Variants in CEP128 observed in about 807,000 individuals in gnomAD.
CEP128 encodes the protein centrosomal protein 128kDa.
A neutral mutation model predicts 156.7 loss-of-function variants in CEP128; 132 were observed. That is an observed-to-expected ratio of 0.84 (90% CI 0.73 to 0.97). The LOEUF (loss-of-function observed/expected upper bound fraction) is 0.97. Ranked by LOEUF, CEP128 falls within the 50% of genes least tolerant of loss-of-function variation. The probability of loss-of-function intolerance (pLI) is 0.00; values close to 1 mark genes in which losing one functional copy is unlikely to be tolerated. For synonymous variants in CEP128, 469 were observed against 448.9 expected (o/e 1.04, Z -0.57); for missense variants, 1,252 against 1,281.9 (o/e 0.98, Z 0.36).
chr14:80,603,948 A>G (rs79180924), intron 19 of CEP128, among the ~76,000 whole-genome samples: 3,597 of 152,282 alleles, frequency 0.024, 142 homozygotes, highest in African/African-American at 0.083. Flanking sequence ...TTAGGAATCA[A>G]TTCAGTGAAA....
rs1899963463 is a variant in CEP128, at chr14:80,761,463, A to G, written c.2527T>C (p.Ser843Pro). The G allele has an allele frequency of 1.9e-6, 3 of 1,610,162 alleles. No individual in the cohort carries two copies. Among genetic ancestry groups the G allele is most frequent in the African/African-American group, 1.3e-5 (1 of 74,868 alleles). ...KEIDAACKTFSKDSVEKLKVF... is the reference protein window; with the variant it reads ...KEIDAACKTFPKDSVEKLKVF... ...TTTAATTTCTCCACTGAGTCCTTGG[A>G]GAATGTTTTACAAGCTGCATCAATT... The change falls in exon 17 of 25, where the codon TCC becomes CCC. Residue 843 changes from serine (S) to proline (P), a missense_variant. Physicochemically the swap from Ser to Pro is moderately conservative, Grantham distance 74 (BLOSUM62 -1). Coordinates refer to ENST00000555265, the MANE Select transcript of CEP128 (RefSeq NM_152446.5).
intron 21 of CEP128, among the ~76,000 whole-genome samples, chr14:80,558,128 T>G (rs1349896713): frequency 6.6e-6 from 1 of 152,194 alleles, no homozygotes; most frequent in Non-Finnish European, 1.5e-5. Context: ...TACTCTCTTC[T>G]GTTCTTTTTT....
intron 19 of CEP128, among the ~76,000 whole-genome samples, chr14:80,642,271 T>A (rs1894447815): frequency 6.6e-6 from 1 of 152,130 alleles, no homozygotes; most frequent in Admixed American, 6.5e-5. Flanking sequence ...GGATCAAGTT[T>A]TGTCCATTAA....
intron 19 of CEP128, among the ~76,000 whole-genome samples, chr14:80,739,161 T>C (rs1223559497): frequency 6.6e-6 from 1 of 152,226 alleles, no homozygotes; most frequent in African/African-American, 2.4e-5. Context: ...GATAGGGAGC[T>C]AATGTATCTT....
rs557805997 is a variant in CEP128 at position 80,741,305 on chromosome 14, G to T, written c.2806+1770C>A. 3.9e-5 allele frequency among the ~76,000 whole-genome samples: 6 copies of T among 152,254 alleles called. No individual in the cohort carries two copies. The South Asian group carries it at 1.2e-3, about 32-fold the overall frequency. ...ATAAATTTTAGGTTTTAGTAAACCT[G>T]ATAGTTTCAACATATTCTTATACCT... On this transcript the variant is annotated intron_variant, in intron 19 of 24. Transcript: ENST00000555265.
At chr14:80,886,661 G>T (rs1888818304) in intron 8 of CEP128, among the ~76,000 whole-genome samples, 1 of 152,288 alleles carries the variant, frequency 6.6e-6, no homozygotes, top group African/African-American at 2.4e-5. Flanking sequence ...ACCAGTACCA[G>T]CCACTGCAAA....
At chr14:80,853,312 A>G (rs1394159138) in intron 9 of CEP128, among the ~76,000 whole-genome samples, 2 of 151,872 alleles carry the variant, frequency 1.3e-5, no homozygotes, top group Non-Finnish European at 2.9e-5. Flanking sequence ...TAAGATAAAA[A>G]AAAAAGAAAA....
At chr14:80,576,653 GTCTGTGTC>G (rs1891373649) in intron 20 of CEP128, among the ~76,000 whole-genome samples, 1 of 43,732 alleles carries the variant, frequency 2.3e-5, no homozygotes, top group African/African-American at 5.5e-5. Context: ...GTGTGTGTGT[GTCTGTGTC>G]TGTGTCTGTG....
chr14:80,624,046 T>G lies in CEP128; in HGVS notation c.2807-43623A>C, dbSNP rs563240159. ...TTTATTCTTCCCATCTAGCTGTAGC[T>G]TTGTCTGTTAACCAACCTCTTCCTA... On this transcript the variant is annotated intron_variant, in intron 19 of 24. Coordinates refer to ENST00000555265, the MANE Select transcript of CEP128 (RefSeq NM_152446.5). 1.1e-4 allele frequency among the ~76,000 whole-genome samples: 17 copies of G among 152,298 alleles called. No homozygotes were observed. The Middle Eastern group carries it at 0.01, about 91-fold the overall frequency.
intron 19 of CEP128, among the ~76,000 whole-genome samples, chr14:80,705,199 T>C (rs997612139): frequency 2.0e-5 from 3 of 152,148 alleles, no homozygotes; most frequent in African/African-American, 7.2e-5. Flanking sequence ...AATCATGCAA[T>C]GCAATTTCAT....
At chr14:80,579,417 C>G (rs1250722262) in intron 20 of CEP128, among the ~76,000 whole-genome samples, 1 of 151,860 alleles carries the variant, frequency 6.6e-6, no homozygotes. Context: ...ACCACTTTTA[C>G]TGGATGTATA....
chr14:80,763,093 T>G (rs1030327653), intron 16 of CEP128, among the ~76,000 whole-genome samples: 8 of 152,176 alleles, frequency 5.3e-5, no homozygotes, highest in African/African-American at 1.7e-4. Flanking sequence ...GAAGGCAAAC[T>G]ATAATCAGAC....
At chr14:80,693,198 T>C (rs968779720) in intron 19 of CEP128, among the ~76,000 whole-genome samples, 2 of 152,198 alleles carry the variant, frequency 1.3e-5, no homozygotes, top group South Asian at 2.1e-4. Context: ...ACTCACATTA[T>C]AGACAATATC....
At chr14:80,707,996 C>T (rs1455969682) in intron 19 of CEP128, among the ~76,000 whole-genome samples, 1 of 152,010 alleles carries the variant, frequency 6.6e-6, no homozygotes, top group Non-Finnish European at 1.5e-5. Context: ...GCATATAAGT[C>T]ATTTATCTCA....
At chr14:80,816,153 A>G (rs188074469) in intron 13 of CEP128, among the ~76,000 whole-genome samples, 160 of 152,322 alleles carry the variant, frequency 1.1e-3, no homozygotes, top group African/African-American at 3.8e-3. Flanking sequence ...AAATCTTGAT[A>G]AGAATAATCA....
intron 2 of CEP128, among the ~76,000 whole-genome samples, chr14:80,927,645 T>A (rs1032194585): frequency 6.6e-6 from 1 of 152,170 alleles, no homozygotes; most frequent in Non-Finnish European, 1.5e-5. Flanking sequence ...GAGGCTGTGG[T>A]GGCTCCCTCC....
intron 20 of CEP128, among the ~76,000 whole-genome samples, chr14:80,565,956 C>T (rs1021224649): frequency 6.6e-6 from 1 of 152,154 alleles, no homozygotes; most frequent in African/African-American, 2.4e-5. Flanking sequence ...TATGAAAAAG[C>T]ATAACACTGG....
chr14:80,789,265 C>A (rs1387508880), intron 14 of CEP128, among the ~76,000 whole-genome samples: 1 of 151,914 alleles, frequency 6.6e-6, no homozygotes. Context: ...GTAGAAAGAT[C>A]AAAATTGGGT....
chr14:80,618,694 T>C (rs1341067626), intron 19 of CEP128, among the ~76,000 whole-genome samples: 1 of 152,210 alleles, frequency 6.6e-6, no homozygotes, highest in Non-Finnish European at 1.5e-5. Context: ...TGCATCCATT[T>C]TGAATGAGAC....
Sources: allele counts gnomAD v4.1 joint callset (sites outside exome capture counted in the v4.1 genomes callset), GRCh38; gene constraint gnomAD v4.1.1; transcripts MANE v1.5; gene names NCBI Gene and HGNC (gene_info 2026-07-23, HGNC 2026-07-21).